B4GALNT2: variants seen among roughly 807,000 people sequenced by gnomAD.
The protein encoded by B4GALNT2 is N-acetylneuraminylgalactosylglucosyl-glucoside beta-1,4-N- acetylgalactosaminyltransferase 2.
B4GALNT2 carries 42 observed loss-of-function variants against 51.1 expected under a neutral mutation model. The ratio of observed to expected loss-of-function variants is 0.82; its 90% CI spans 0.64 to 1.06. The LOEUF is 1.06. Ranked by LOEUF, B4GALNT2 falls within the 50% of genes least tolerant of loss-of-function variation. The pLI is 0.00. For synonymous variants in B4GALNT2, 253 were observed against 251.7 expected (o/e 1.01, Z -0.05); for missense variants, 602 against 633.6 (o/e 0.95, Z 0.54).
chr17:49,129,163 G>A (rs1295573125), upstream of B4GALNT2, among the ~76,000 whole-genome samples: 1 of 146,856 alleles, frequency 6.8e-6, no homozygotes, highest in Non-Finnish European at 1.5e-5. Flanking sequence ...CACAAGAAGT[G>A]GGGTGGTGGG....
chr17:49,123,570 T>C, the B4GALNT2 span, among the ~76,000 whole-genome samples: 1 of 152,218 alleles, frequency 6.6e-6, no homozygotes, highest in Non-Finnish European at 1.5e-5. Flanking sequence ...ATTATTTGCA[T>C]ACAGTGCAGC....
At chr17:49,164,629 G>A (rs1403426889) in intron 8 of B4GALNT2, among the ~76,000 whole-genome samples, 2 of 150,106 alleles carry the variant, frequency 1.3e-5, no homozygotes, top group African/African-American at 4.9e-5. Context: ...AGCCTCCTGA[G>A]TAGGTGGGAT....
chr17:49,160,611 G>C lies in B4GALNT2; in HGVS notation c.736G>C (p.Val246Leu), dbSNP rs373854762. The part of the protein sequence containing the change: ...AKFPVTIRHP[V>L]IPKLYDPGPE... Reference sequence around the variant, plus strand: ...GTTTCCAGTGACCATCCGCCATCCTGTCATACCCAAGCTATACGACCCTGG... The same window carrying C: ...GTTTCCAGTGACCATCCGCCATCCTCTCATACCCAAGCTATACGACCCTGG... The change falls in exon 7 of 11, where the codon GTC becomes CTC. Residue 246 changes from valine to leucine, a missense_variant. By Grantham distance (32) the Val-to-Leu change is conservative. Coordinates refer to ENST00000393354, the MANE Select transcript of B4GALNT2 (RefSeq NM_001159387.2). The C allele has an allele frequency of 7.4e-6, 12 of 1,614,044 alleles. No individual in the cohort carries two copies. Among genetic ancestry groups the C allele is most frequent in the Non-Finnish European group, 6.8e-6 (8 of 1,180,050 alleles).
chr17:49,140,978 A>G (rs2042638294), intron 1 of B4GALNT2, among the ~76,000 whole-genome samples: 2 of 151,670 alleles, frequency 1.3e-5, no homozygotes, highest in Non-Finnish European at 2.9e-5. Flanking sequence ...CGGCCTCCCA[A>G]AATGCTGGGA....
chr17:49,167,628 G>A (rs1413949953), intron 9 of B4GALNT2, among the ~76,000 whole-genome samples: 1 of 32,910 alleles, frequency 3.0e-5, no homozygotes, highest in Admixed American at 3.1e-4. Flanking sequence ...TTTTTTTTTT[G>A]AGACAGAGTC....
chr17:49,160,997 G>A (rs1185241192), intron 7 of B4GALNT2, among the ~76,000 whole-genome samples: 1 of 152,046 alleles, frequency 6.6e-6, no homozygotes, highest in Non-Finnish European at 1.5e-5. Flanking sequence ...TTGTCTGGCC[G>A]GGCGCAGTGA....
At chr17:49,145,663 C>T (rs969729237) in intron 3 of B4GALNT2, among the ~76,000 whole-genome samples, 14 of 152,124 alleles carry the variant, frequency 9.2e-5, no homozygotes, top group Non-Finnish European at 1.8e-4. Context: ...TGTAGCCCTG[C>T]CTGGATTGGG....
At chr17:49,152,539 G>A (rs2042767878) in intron 3 of B4GALNT2, among the ~76,000 whole-genome samples, 2 of 152,188 alleles carry the variant, frequency 1.3e-5, no homozygotes, top group Admixed American at 1.3e-4. Context: ...AGCCGGGCGT[G>A]GAGGCGCACT....
chr17:49,166,565 A>G (rs570128012), intron 9 of B4GALNT2, among the ~76,000 whole-genome samples: 1 of 152,336 alleles, frequency 6.6e-6, no homozygotes, highest in Non-Finnish European at 1.5e-5. Context: ...GAGATTAAAG[A>G]CAGGAGCATT....
intron 3 of B4GALNT2, among the ~76,000 whole-genome samples, chr17:49,149,430 G>T (rs1236061428): frequency 3.3e-5 from 5 of 152,128 alleles, no homozygotes; most frequent in Admixed American, 3.3e-4. Context: ...CGGATCACTT[G>T]AGGCCAGGAG....
intron 3 of B4GALNT2, among the ~76,000 whole-genome samples, chr17:49,142,911 G>A (rs1353138534): frequency 1.3e-5 from 2 of 152,052 alleles, no homozygotes; most frequent in Admixed American, 6.6e-5. Context: ...AAATTACAAG[G>A]GGTGTCAACA....
chr17:49,171,540 T>A lies in B4GALNT2; in HGVS notation c.*1812T>A. 2.4e-6 allele frequency: 1 copy of A among 413,972 alleles called. No individual in the cohort carries two copies. Among genetic ancestry groups the A allele is most frequent in the East Asian group, 7.2e-5 (1 of 13,888 alleles). 25.6% of individuals were successfully genotyped at this position (413,972 alleles called of 1,614,324 possible). A position where few individuals can be genotyped will look rare whatever the true frequency, so the allele number is the denominator to read the frequency against. On this transcript the variant is annotated 3_prime_UTR_variant, in exon 11 of 11. Transcript: ENST00000393354. ...CATTAATAGTTTCCACAAATCCTTA[T>A]GTTTAGCTTCTACAGTGGACCATAT...
the B4GALNT2 span, among the ~76,000 whole-genome samples, chr17:49,126,923 C>T: frequency 0.51 from 77,421 of 151,846 alleles, 20,107 homozygotes; most frequent in Middle Eastern, 0.62. Flanking sequence ...AGGCTGGTCT[C>T]GAGCTCCTGA....
chr17:49,137,076 C>T (rs772323261), intron 1 of B4GALNT2, among the ~76,000 whole-genome samples: 7 of 150,582 alleles, frequency 4.6e-5, no homozygotes, highest in Non-Finnish European at 1.0e-4. Context: ...TTTTTTTTTC[C>T]CCAAAGAGAG....
intron 5 of B4GALNT2, 58 bp downstream of exon 5, chr17:49,156,661 T>G: frequency 6.3e-7 from 1 of 1,576,860 alleles, no homozygotes; most frequent in Admixed American, 1.7e-5. Flanking sequence ...TTCCCTCAAC[T>G]GTGGCTGCTC....
chr17:49,160,177 C>T (rs1460421967), intron 6 of B4GALNT2, among the ~76,000 whole-genome samples: 1 of 152,180 alleles, frequency 6.6e-6, no homozygotes, highest in Non-Finnish European at 1.5e-5. Context: ...GATTTTCAAA[C>T]ATTCCTCTTC....
chr17:49,143,036 G>T (rs1693904182), intron 3 of B4GALNT2, among the ~76,000 whole-genome samples: 1 of 152,148 alleles, frequency 6.6e-6, no homozygotes, highest in South Asian at 2.1e-4. Flanking sequence ...ATCACTTGAG[G>T]TCAGGAGTTC....
In B4GALNT2 at chr17:49,160,454, C is replaced by T. The variant is rs1055243339; in HGVS notation, c.680-101C>T. 1.8e-5 allele frequency: 20 copies of T among 1,111,166 alleles called. No homozygotes were observed. The South Asian group carries it at 2.5e-4, about 14-fold the overall frequency. The allele number at this position is 1,111,166 out of a possible 1,614,324, so 68.8% of individuals were successfully genotyped here. A position where few individuals can be genotyped will look rare whatever the true frequency, so the allele number is the denominator to read the frequency against. On this transcript the variant is annotated intron_variant, in intron 6 of 10. Transcript: ENST00000393354. ...ATCTCATCCCAACCAGGACTCTCCC[C>T]ACCAAACCTGTACTCGCCTGTCATG...
At chr17:49,149,059 A>AAG (rs1312152456) in intron 3 of B4GALNT2, 3 of 152,790 alleles carry the variant, frequency 2.0e-5, no homozygotes, top group African/African-American at 7.2e-5. Context: ...TGTCTCAAAA[A>AAG]AAAAAAAAAA....
Sources: gnomAD v4.1 joint callset for allele counts (sites outside exome capture counted in the v4.1 genomes callset) on GRCh38, gnomAD v4.1.1 for gene constraint, MANE v1.5 for transcripts, NCBI Gene and HGNC (gene_info 2026-07-23, HGNC 2026-07-21) for gene names.